The following CAPRIN2 variants were observed in gnomAD, a reference collection of about 807,000 sequenced individuals.
The protein encoded by CAPRIN2 is caprin family member 2.
CAPRIN2 carries 66 observed loss-of-function variants against 130.4 expected under a neutral mutation model. The observed-to-expected ratio is 0.51, with a 90% CI of 0.42 to 0.62. The LOEUF (loss-of-function observed/expected upper bound fraction) is 0.62. Ranked by LOEUF, CAPRIN2 falls within the 20% of genes least tolerant of loss-of-function variation. The pLI is 0.00. For missense variants in CAPRIN2, 1,185 were observed against 1,246.6 expected, an observed-to-expected ratio of 0.95 and a Z score of 0.74; for synonymous variants, 471 against 444.1, an observed-to-expected ratio of 1.06 and a Z score of -0.76.
intron 9 of CAPRIN2, among the ~76,000 whole-genome samples, chr12:30,725,157 T>C (rs1381549967): frequency 6.6e-6 from 1 of 152,174 alleles, no homozygotes; most frequent in Non-Finnish European, 1.5e-5. Flanking sequence ...ATCTCAACCA[T>C]TTACTAGCTC....
At chr12:30,711,483 C>T (rs2054560436) in intron 16 of CAPRIN2, 83 bp downstream of exon 18, 1 of 1,109,612 alleles carries the variant, frequency 9.0e-7, no homozygotes, top group Admixed American at 1.7e-5. Context: ...AAGCAATGTG[C>T]TTTGGAAAGA....
At chr12:30,716,368 C>A in intron 13 of CAPRIN2, 140 bp downstream of exon 15, 1 of 739,638 alleles carries the variant, frequency 1.4e-6, no homozygotes, top group Admixed American at 2.9e-5. Context: ...TTTTTCTCAA[C>A]ACTGGAGGAA....
chr12:30,710,583 A>C lies in CAPRIN2; in HGVS notation c.2666-113T>G. The C allele has an allele frequency of 2.0e-6, 3 of 1,495,712 alleles. No individual in the cohort carries two copies. Among genetic ancestry groups the C allele is most frequent in the Non-Finnish European group, 1.8e-6 (2 of 1,117,808 alleles). The allele number at this position is 1,495,712 out of a possible 1,614,324, so 92.7% of individuals were successfully genotyped here. A position where few individuals can be genotyped will look rare whatever the true frequency, so the allele number is the denominator to read the frequency against. On this transcript the variant is annotated intron_variant, in intron 16 of 16. Coordinates refer to ENST00000298892, the Ensembl canonical transcript of CAPRIN2. This position sits in a 1 kb window ranked among gnomAD's most constrained non-coding sequence, Gnocchi z 4.8. ...AAAGATACATTTTATAGTAAATTCCAAAACAAAAGCAATATATAGCTAGAT... is the reference window on the plus strand; with the variant it reads ...AAAGATACATTTTATAGTAAATTCCCAAACAAAAGCAATATATAGCTAGAT...
intron 8 of CAPRIN2, among the ~76,000 whole-genome samples, chr12:30,726,339 C>T (rs771910479): frequency 5.9e-5 from 9 of 152,100 alleles, no homozygotes; most frequent in Non-Finnish European, 1.2e-4. Context: ...AGCAGAACTT[C>T]CTTGTTAAGA....
chr12:30,749,229 C>T (rs1015351097), intron 2 of CAPRIN2, among the ~76,000 whole-genome samples: 2 of 151,886 alleles, frequency 1.3e-5, no homozygotes, highest in African/African-American at 2.4e-5. Flanking sequence ...ATGGAGCTAG[C>T]GAGGGAAAGA....
At chr12:30,724,595 T>C (rs1167599875) in intron 9 of CAPRIN2, 144 bp from the exon 11 acceptor site, 2 of 585,314 alleles carry the variant, frequency 3.4e-6, no homozygotes, top group African/African-American at 3.8e-5. Context: ...AGCTAATCAC[T>C]GTCTCAGGAT....
intron 12 of CAPRIN2, 62 bp from the exon 14 acceptor site, chr12:30,719,287 C>T: frequency 6.3e-7 from 1 of 1,583,542 alleles, no homozygotes; most frequent in East Asian, 2.2e-5. Context: ...TTAACTTACT[C>T]TAAAACCCAA....
At chr12:30,723,437 G>A (rs1322288999) in intron 10 of CAPRIN2, 123 bp from the exon 12 acceptor site, 6 of 651,222 alleles carry the variant, frequency 9.2e-6, no homozygotes, top group African/African-American at 5.5e-5. Context: ...TACGTCTCAA[G>A]TTCATCATGC....
At chr12:30,722,954 T>C (rs970340834) in intron 11 of CAPRIN2, among the ~76,000 whole-genome samples, 2 of 152,158 alleles carry the variant, frequency 1.3e-5, no homozygotes, top group Admixed American at 6.5e-5. Flanking sequence ...CACTTTACTA[T>C]GTTAATAAAC....
At chr12:30,729,076 T>G (rs200407915) in exon 8 of CAPRIN2, 7 of 1,613,956 alleles carry the variant, frequency 4.3e-6, no homozygotes, top group African/African-American at 1.3e-5. Flanking sequence ...TCCGGCAGAG[T>G]AGACCTGAGT....
chr12:30,735,498 C>T (rs898808825), intron 3 of CAPRIN2, among the ~76,000 whole-genome samples: 1 of 152,110 alleles, frequency 6.6e-6, no homozygotes, highest in Admixed American at 6.5e-5. Flanking sequence ...TCATTGATGT[C>T]CATATTCATT....
exon 1 of CAPRIN2, chr12:30,753,833 C>A (rs1445889155): frequency 1.0e-5 from 15 of 1,445,556 alleles, no homozygotes; most frequent in Admixed American, 2.2e-5. Flanking sequence ...TCTCCCAATA[C>A]GGAGGATGTT....
At chr12:30,751,301 C>A in intron 1 of CAPRIN2, 168 bp from the exon 3 acceptor site, 1 of 600,746 alleles carries the variant, frequency 1.7e-6, no homozygotes, top group Non-Finnish European at 3.0e-6. Context: ...GAGTTCCAGT[C>A]AGGGGAGAAA....
chr12:30,729,392 C>CT, intron 7 of CAPRIN2, 67 bp from the exon 9 acceptor site: 1 of 1,124,722 alleles, frequency 8.9e-7, no homozygotes, highest in Admixed American at 2.4e-5. Context: ...ATATTCAACT[C>CT]TATTAGTATT....
chr12:30,729,606 C>T (rs754414217), intron 7 of CAPRIN2, among the ~76,000 whole-genome samples: 1 of 152,206 alleles, frequency 6.6e-6, no homozygotes, highest in Non-Finnish European at 1.5e-5. Context: ...TTGCTTGATT[C>T]GGATTCTTCT....
chr12:30,727,716 T>C (rs139998751), intron 8 of CAPRIN2, among the ~76,000 whole-genome samples: 494 of 152,362 alleles, frequency 3.2e-3, no homozygotes, highest in Non-Finnish European at 5.0e-3. Flanking sequence ...GGCCTTATGT[T>C]TTAACTGAAT....
intron 1 of CAPRIN2, among the ~76,000 whole-genome samples, chr12:30,753,049 G>A (rs562407982): frequency 6.6e-6 from 1 of 152,176 alleles, no homozygotes; most frequent in African/African-American, 2.4e-5. Flanking sequence ...ACACATCTAT[G>A]AAAAGAAACA....
exon 9 of CAPRIN2, chr12:30,725,979 C>A (rs1408745223): frequency 6.3e-7 from 1 of 1,591,702 alleles, no homozygotes; most frequent in Admixed American, 1.8e-5. Context: ...CATAAAGTTA[C>A]AAGTTCCTTG....
chr12:30,739,206 T>C (rs1474300589), intron 3 of CAPRIN2, among the ~76,000 whole-genome samples: 1 of 152,208 alleles, frequency 6.6e-6, no homozygotes, highest in Non-Finnish European at 1.5e-5. Flanking sequence ...ATATATATCA[T>C]GGAATACCAT....
Sources: gnomAD v4.1 joint callset for allele counts (sites outside exome capture counted in the v4.1 genomes callset) on GRCh38, gnomAD v4.1.1 for gene constraint, Gnocchi (gnomAD v3.1) non-coding constraint, MANE v1.5 for transcripts, NCBI Gene and HGNC (gene_info 2026-07-23, HGNC 2026-07-21) for gene names.